The following NHLRC4 variants were observed in gnomAD, a reference collection of about 807,000 sequenced individuals.
NHLRC4 encodes NHL-repeat-containing protein 4.
For synonymous variants in NHLRC4, 73 were observed against 69.0 expected, an observed-to-expected ratio of 1.06 and a Z score of -0.29; for missense variants, 158 against 155.4, an observed-to-expected ratio of 1.02 and a Z score of -0.09.
chr16:568,277 G>A lies in NHLRC4; in HGVS notation c.230G>A (p.Arg77Gln), dbSNP rs376666202. ...EQRRQVTLFP[R>Q]AGPPICLVSE... ...AGGCGCCAGGTGACCCTGTTTCCCCGGGCTGGGCCACCCATCTGCCTGGTG... is the reference window on the plus strand; with the variant it reads ...AGGCGCCAGGTGACCCTGTTTCCCCAGGCTGGGCCACCCATCTGCCTGGTG... Residue 77 changes from arginine to glutamine, a missense_variant, in exon 2 of 2, where the codon CGG (arginine) becomes CAG (glutamine). Physicochemically the swap from Arg to Gln is conservative, Grantham distance 43. Transcript: ENST00000424439. The A allele has an allele frequency of 1.6e-5, 26 of 1,612,038 alleles. No homozygotes were observed. Among genetic ancestry groups the A allele is most frequent in the African/African-American group, 1.1e-4 (8 of 74,918 alleles).
intron 1 of NHLRC4, 117 bp downstream of exon 1, chr16:567,192 CTG>C (rs2035548477): frequency 6.6e-6 from 1 of 152,460 alleles, no homozygotes; most frequent in South Asian, 2.1e-4. Context: ...GGTAGAAGGG[CTG>C]TGTGTGGGTG....
In NHLRC4 at chr16:567,957, C is replaced by T; in HGVS notation, c.-91C>T. 3 of 1,372,330 alleles carry T rather than the reference C, an allele frequency of 2.2e-6. No individual in the cohort carries two copies. The highest frequency in any genetic ancestry group is 2.9e-6 in the Non-Finnish European group (3 of 1,037,886). The allele number at this position is 1,372,330 out of a possible 1,614,324, so 85.0% of individuals were successfully genotyped here. Reference sequence around the variant, plus strand: ...CTCCCCGAGGGCTGGCTGTGGATGCCCTCAACCGCCTCCTGGTGACGGACT... The same window carrying T: ...CTCCCCGAGGGCTGGCTGTGGATGCTCTCAACCGCCTCCTGGTGACGGACT... On this transcript the variant is annotated 5_prime_UTR_variant, in exon 2 of 2. Transcript: ENST00000424439.
In NHLRC4 at chr16:569,183, A is replaced by C. The variant is rs921768464; in HGVS notation, c.*764A>C. On this transcript the variant is annotated 3_prime_UTR_variant, in exon 2 of 2. Coordinates refer to ENST00000424439, the MANE Select transcript of NHLRC4 (RefSeq NM_001301159.2). Reference sequence around the variant, plus strand: ...CTGGGGGAGCTTCCTACAAGGAGAGACTCCTGCTGCTTTGGAAAACTGAGA... The same window carrying C: ...CTGGGGGAGCTTCCTACAAGGAGAGCCTCCTGCTGCTTTGGAAAACTGAGA... The C allele has an allele frequency of 1.2e-5, 2 of 166,848 alleles. No homozygotes were observed. Among genetic ancestry groups the C allele is most frequent in the Non-Finnish European group, 2.9e-5 (2 of 68,104 alleles). 10.3% of individuals were successfully genotyped at this position (166,848 alleles called of 1,614,324 possible).
rs1244172543 is a variant in NHLRC4, at chr16:568,321, C to A, written c.274C>A (p.Pro92Thr). ...ICLVSEGLGQPLGVACAPQGQ... is the reference protein window; with the variant it reads ...ICLVSEGLGQTLGVACAPQGQ... ...CCTGGTGTCAGAGGGGCTTGGGCAG[C>A]CCTTGGGAGTGGCCTGTGCACCCCA... Residue 92 changes from proline (P) to threonine (T), a missense_variant, in exon 2 of 2, where the codon CCC becomes ACC. Pro to Thr is a conservative substitution (Grantham distance 38). Coordinates refer to ENST00000424439, the MANE Select transcript of NHLRC4 (RefSeq NM_001301159.2). 6.2e-7 allele frequency: 1 copy of A among 1,611,448 alleles called. No homozygotes were observed. The highest frequency in any genetic ancestry group is 1.7e-5 in the Admixed American group (1 of 59,768).
chr16:568,181 G>T lies in NHLRC4; in HGVS notation c.134G>T (p.Gly45Val), dbSNP rs752615912. The T allele has an allele frequency of 2.8e-5, 45 of 1,611,492 alleles. No homozygotes were observed. The highest frequency in any genetic ancestry group is 3.8e-5 in the Non-Finnish European group (45 of 1,179,420). ...QPLGSLGGWT[G>V]HTFGCPAGIC... is the part of the protein sequence containing the mutation. ...CTGGGCTCCCTGGGGGGCTGGACGG[G>T]GCACACTTTCGGCTGCCCAGCGGGC... is the stretch of plus-strand genomic sequence containing the variant. Residue 45 changes from glycine to valine, a missense_variant, in exon 2 of 2, where the codon GGG (glycine) becomes GTG (valine). Physicochemically the swap from Gly to Val is moderately radical, Grantham distance 109. Transcript: ENST00000424439.
At position 568,173 on chromosome 16, in the gene NHLRC4, C is replaced by A; in HGVS notation, c.126C>A (p.Gly42=). The A allele has an allele frequency of 6.2e-7, 1 of 1,611,168 alleles. No homozygotes were observed. Among genetic ancestry groups the A allele is most frequent in the Non-Finnish European group, 8.5e-7 (1 of 1,179,176 alleles). ...SARQPLGSLG[G]WTGHTFGCPA... is the part of the protein sequence containing the mutation. ...GCCAACCCCTGGGCTCCCTGGGGGG[C>A]TGGACGGGGCACACTTTCGGCTGCC... The change falls in exon 2 of 2, where the codon GGC becomes GGA. Residue 42 remains glycine (G), a synonymous_variant. Coordinates refer to ENST00000424439, the MANE Select transcript of NHLRC4 (RefSeq NM_001301159.2).
Position 568,997 on chromosome 16 carries a change from G to T in NHLRC4, c.*578G>T. ...TCTCTGGGCCTGGCAGAGGTAAGGGGGAGGCAACCCTGGAGTGTCTGGAGG... is the reference window on the plus strand; with the variant it reads ...TCTCTGGGCCTGGCAGAGGTAAGGGTGAGGCAACCCTGGAGTGTCTGGAGG... On this transcript the variant is annotated 3_prime_UTR_variant, in exon 2 of 2. Coordinates refer to ENST00000424439, the MANE Select transcript of NHLRC4 (RefSeq NM_001301159.2). The T allele has an allele frequency of 5.9e-6, 1 of 169,632 alleles. No homozygotes were observed. 10.5% of individuals were successfully genotyped at this position (169,632 alleles called of 1,614,324 possible). A position where few individuals can be genotyped will look rare whatever the true frequency, so the allele number is the denominator to read the frequency against.
rs778263485 is a variant in NHLRC4, at chr16:568,203, G to A, written c.156G>A (p.Ala52=). Residue 52 remains alanine (A), a synonymous_variant, in exon 2 of 2, where the codon GCG becomes GCA. Coordinates refer to ENST00000424439, the MANE Select transcript of NHLRC4 (RefSeq NM_001301159.2). ...CGGGGCACACTTTCGGCTGCCCAGC[G>A]GGCATCTGCTCCAACTCAGAGGGCA... The part of the protein sequence containing the change: ...GWTGHTFGCP[A]GICSNSEGNV... 16 of 1,611,794 alleles carry A rather than the reference G, an allele frequency of 9.9e-6. No homozygotes were observed. Among genetic ancestry groups the A allele is most frequent in the South Asian group, 1.1e-5 (1 of 90,954 alleles).
chr16:567,977 C>G lies in NHLRC4; in HGVS notation c.-71C>G, dbSNP rs959860223. ...GATGCCCTCAACCGCCTCCTGGTGA[C>G]GGACTACTTGCCTGGGGCTGTGCAC... On this transcript the variant is annotated 5_prime_UTR_variant, in exon 2 of 2. Coordinates refer to ENST00000424439, the MANE Select transcript of NHLRC4 (RefSeq NM_001301159.2). 1 of 1,450,518 alleles carries G rather than the reference C, an allele frequency of 6.9e-7. No individual in the cohort carries two copies. The highest frequency in any genetic ancestry group is 1.4e-5 in the African/African-American group (1 of 70,576). 89.9% of individuals were successfully genotyped at this position (1,450,518 alleles called of 1,614,324 possible). A position where few individuals can be genotyped will look rare whatever the true frequency, so the allele number is the denominator to read the frequency against.
At position 568,266 on chromosome 16, in the gene NHLRC4, C is replaced by T. The variant is rs183189301; in HGVS notation, c.219C>T (p.Thr73=). Residue 73 remains threonine, a synonymous_variant, in exon 2 of 2, where the codon ACC becomes ACT. Transcript: ENST00000424439. ...CAGACGAGCAGAGGCGCCAGGTGACCCTGTTTCCCCGGGCTGGGCCACCCA... is the reference window on the plus strand; with the variant it reads ...CAGACGAGCAGAGGCGCCAGGTGACTCTGTTTCCCCGGGCTGGGCCACCCA... ...IVADEQRRQV[T]LFPRAGPPIC... The T allele has an allele frequency of 6.1e-3, 9,848 of 1,612,294 alleles. 65 individuals are homozygous for T. Among genetic ancestry groups the T allele is most frequent in the South Asian group, 0.018 (1,603 of 91,048 alleles).
In NHLRC4 at chr16:569,291, G is replaced by A. The variant is rs2035581097; in HGVS notation, c.*872G>A. ...AGGAGAGGCGTCTGGGTTACTCCGT[G>A]GGTCTGGGGTCCAGGGAAGGGCCTG... On this transcript the variant is annotated 3_prime_UTR_variant, in exon 2 of 2. Transcript: ENST00000424439. 1 of 167,102 alleles carries A rather than the reference G, an allele frequency of 6.0e-6. No homozygotes were observed. Among genetic ancestry groups the A allele is most frequent in the Admixed American group, 6.5e-5 (1 of 15,292 alleles). 10.4% of individuals were successfully genotyped at this position (167,102 alleles called of 1,614,324 possible). A position where few individuals can be genotyped will look rare whatever the true frequency, so the allele number is the denominator to read the frequency against.
rs1330670330 is a variant in NHLRC4 at position 567,752 on chromosome 16, G to A, written c.-296G>A. ...GTCCACGTGCTAGATCTGGAGGGAC[G>A]CCCCATCTGCCTCCTGCCCTGCCGC... On this transcript the variant is annotated 5_prime_UTR_variant, in exon 2 of 2. Transcript: ENST00000424439. 1.6e-5 allele frequency: 6 copies of A among 383,660 alleles called. No homozygotes were observed. The highest frequency in any genetic ancestry group is 1.3e-4 in the South Asian group (3 of 22,692). The allele number at this position is 383,660 out of a possible 1,614,324, so 23.8% of individuals were successfully genotyped here.
Position 568,484 on chromosome 16 carries a change from C to A in NHLRC4, c.*65C>A, listed in dbSNP as rs2035569063. 4.0e-6 allele frequency: 6 copies of A among 1,503,430 alleles called. No homozygotes were observed. Among genetic ancestry groups the A allele is most frequent in the South Asian group, 2.6e-5 (2 of 76,526 alleles). The allele number at this position is 1,503,430 out of a possible 1,614,324, so 93.1% of individuals were successfully genotyped here. A position where few individuals can be genotyped will look rare whatever the true frequency, so the allele number is the denominator to read the frequency against. ...CAGCTCCCAGGCCCTTGGATCACCGCGGGAGGAACCCTCAGGATGGGTGGA... is the reference window on the plus strand; with the variant it reads ...CAGCTCCCAGGCCCTTGGATCACCGAGGGAGGAACCCTCAGGATGGGTGGA... On this transcript the variant is annotated 3_prime_UTR_variant, in exon 2 of 2. Coordinates refer to ENST00000424439, the MANE Select transcript of NHLRC4 (RefSeq NM_001301159.2).
At position 568,301 on chromosome 16, in the gene NHLRC4, T is replaced by C. The variant is rs774114022; in HGVS notation, c.254T>C (p.Val85Ala). Residue 85 changes from valine to alanine, a missense_variant, in exon 2 of 2, where the codon GTG becomes GCG. Val to Ala is a moderately conservative substitution (Grantham distance 64, BLOSUM62 0). Transcript: ENST00000424439. ...FPRAGPPICL[V>A]SEGLGQPLGV... The stretch of plus-strand genomic sequence containing the variant: ...CGGGCTGGGCCACCCATCTGCCTGG[T>C]GTCAGAGGGGCTTGGGCAGCCCTTG... 2.5e-6 allele frequency: 4 copies of C among 1,611,960 alleles called. 1 individual carries two copies. The South Asian group carries it at 4.4e-5, about 18-fold the overall frequency.
In NHLRC4 at chr16:569,012, G is replaced by T; in HGVS notation, c.*593G>T. Reference sequence around the variant, plus strand: ...GAGGTAAGGGGGAGGCAACCCTGGAGTGTCTGGAGGCCCATGGCTGGCTGA... The same window carrying T: ...GAGGTAAGGGGGAGGCAACCCTGGATTGTCTGGAGGCCCATGGCTGGCTGA... On this transcript the variant is annotated 3_prime_UTR_variant, in exon 2 of 2. Transcript: ENST00000424439. 5.9e-6 allele frequency: 1 copy of T among 168,380 alleles called. No homozygotes were observed. The highest frequency in any genetic ancestry group is 1.4e-5 in the Non-Finnish European group (1 of 69,086). 10.4% of individuals were successfully genotyped at this position (168,380 alleles called of 1,614,324 possible). A position where few individuals can be genotyped will look rare whatever the true frequency, so the allele number is the denominator to read the frequency against.
rs576635184 is a variant in NHLRC4 at position 568,609 on chromosome 16, G to A, written c.*190G>A. On this transcript the variant is annotated 3_prime_UTR_variant, in exon 2 of 2. Coordinates refer to ENST00000424439, the MANE Select transcript of NHLRC4 (RefSeq NM_001301159.2). ...CCTGCTGGTGAGGCTCCGGATCTCA[G>A]GAGCAGCCCTGAGTCTGCTTCCCAG... 133 of 668,184 alleles carry A rather than the reference G, an allele frequency of 2.0e-4. No individual in the cohort carries two copies. The African/African-American group carries it at 2.4e-3, about 12-fold the overall frequency. 41.4% of individuals were successfully genotyped at this position (668,184 alleles called of 1,614,324 possible).
In NHLRC4 at chr16:568,408, G is replaced by A. The variant is rs974315059; in HGVS notation, c.361G>A (p.Glu121Lys). Residue 121 changes from glutamate (E) to lysine (K), a missense_variant, in exon 2 of 2, where the codon GAG (glutamate) becomes AAG (lysine). By Grantham distance (56) the Glu-to-Lys change is moderately conservative. Coordinates refer to ENST00000424439, the MANE Select transcript of NHLRC4 (RefSeq NM_001301159.2). ...CATCAAGGTGTACCAGGGCCTCAAG[G>A]AGCTGGCCTGACCTGAGGCTGGGTT... ...NSIKVYQGLK[E>K]LA 7.5e-6 allele frequency: 12 copies of A among 1,610,362 alleles called. No homozygotes were observed. The highest frequency in any genetic ancestry group is 3.3e-5 in the Admixed American group (2 of 59,848).
rs1290929758 is a variant in NHLRC4 at position 568,160 on chromosome 16, G to A, written c.113G>A (p.Gly38Asp). The A allele has an allele frequency of 1.9e-6, 3 of 1,610,430 alleles. No individual in the cohort carries two copies. The highest frequency in any genetic ancestry group is 1.3e-5 in the African/African-American group (1 of 74,864). ...TTTGGCAGTGCCCGCCAACCCCTGGGCTCCCTGGGGGGCTGGACGGGGCAC... is the reference window on the plus strand; with the variant it reads ...TTTGGCAGTGCCCGCCAACCCCTGGACTCCCTGGGGGGCTGGACGGGGCAC... ...RLFGSARQPLGSLGGWTGHTF... is the reference protein window; with the variant it reads ...RLFGSARQPLDSLGGWTGHTF... The change falls in exon 2 of 2, where the codon GGC becomes GAC. Residue 38 changes from glycine to aspartate, a missense_variant. Coordinates refer to ENST00000424439, the MANE Select transcript of NHLRC4 (RefSeq NM_001301159.2).
Position 568,045 on chromosome 16 carries a change from T to C in NHLRC4, c.-3T>C. On this transcript the variant is annotated 5_prime_UTR_variant, in exon 2 of 2. Transcript: ENST00000424439. ...TGCTTGGGAGCCCCTGGCCCCAGCC[T>C]CCATGCTGGGTCTGGAGGGCCCCTG... is the stretch of plus-strand genomic sequence containing the variant. The C allele has an allele frequency of 6.6e-7, 1 of 1,517,240 alleles. No homozygotes were observed. The highest frequency in any genetic ancestry group is 8.8e-7 in the Non-Finnish European group (1 of 1,137,398). 94.0% of individuals were successfully genotyped at this position (1,517,240 alleles called of 1,614,324 possible).
Sources: gnomAD v4.1 joint callset for allele counts on GRCh38, gnomAD v4.1.1 for gene constraint, MANE v1.5 for transcripts, NCBI Gene and HGNC (gene_info 2026-07-23, HGNC 2026-07-21) for gene names.